Variants in SPTA1 observed in about 807,000 individuals in gnomAD.
SPTA1 encodes the protein spectrin alpha, erythrocytic 1.
SPTA1 carries 177 observed loss-of-function variants against 324.7 expected under a neutral mutation model. The observed-to-expected ratio is 0.55, with a 90% CI of 0.48 to 0.62. SPTA1 has a LOEUF of 0.62. Among genes scored for constraint, SPTA1 ranks in the 20% least tolerant of loss-of-function variants. The pLI is 0.00. For synonymous variants in SPTA1, 1,195 were observed against 1,041.3 expected (o/e 1.15, Z -2.84); for missense variants, 3,162 against 2,883.6 (o/e 1.10, Z -2.21).
At chr1:158,671,921 T>G in intron 11 of SPTA1, 138 bp downstream of exon 11, 1 of 1,099,382 alleles carries the variant, frequency 9.1e-7, no homozygotes, top group Non-Finnish European at 1.4e-6. Flanking sequence ...TCTTTTCTTT[T>G]TCTTGTGGAT....
intron 35 of SPTA1, 94 bp from the exon 36 acceptor site, chr1:158,638,335 C>A (rs1262324500): frequency 8.1e-7 from 1 of 1,229,622 alleles, no homozygotes; most frequent in Non-Finnish European, 1.2e-6. Context: ...AAAGACTGGG[C>A]CAAATGGATT....
At position 158,680,744 on chromosome 1, in the gene SPTA1, G is replaced by C; in HGVS notation, c.532-15C>G. The C allele has an allele frequency of 1.9e-6, 3 of 1,613,234 alleles. No individual in the cohort carries two copies. The highest frequency in any genetic ancestry group is 2.5e-6 in the Non-Finnish European group (3 of 1,179,706). On this transcript the variant is annotated splice_polypyrimidine_tract_variant and intron_variant, in intron 4 of 51. Transcript: ENST00000643759. Reference sequence around the variant, plus strand: ...GCTATAGCCTCCTGTAGACACAGAAGTTGATTGAGTTGCCAGCAAACATTT... The same window carrying C: ...GCTATAGCCTCCTGTAGACACAGAACTTGATTGAGTTGCCAGCAAACATTT...
At chr1:158,621,487 T>C (rs182811923) in intron 43 of SPTA1, among the ~76,000 whole-genome samples, 1 of 152,318 alleles carries the variant, frequency 6.6e-6, no homozygotes, top group Non-Finnish European at 1.5e-5. Flanking sequence ...CAGAAACCTA[T>C]AAAGTATTTA....
chr1:158,643,879 A>G (rs576707427), intron 30 of SPTA1, among the ~76,000 whole-genome samples: 6 of 152,158 alleles, frequency 3.9e-5, no homozygotes, highest in African/African-American at 1.4e-4. Flanking sequence ...GCTCACTCCT[A>G]TAATCTCAGC....
At chr1:158,659,360 C>T (rs935295389) in intron 18 of SPTA1, among the ~76,000 whole-genome samples, 70 of 151,874 alleles carry the variant, frequency 4.6e-4, no homozygotes, top group African/African-American at 1.5e-3. Context: ...TTTGGGATCC[C>T]TTTACAATTT....
intron 42 of SPTA1, among the ~76,000 whole-genome samples, chr1:158,624,115 T>TGTCC (rs1290874690): frequency 4.0e-5 from 1 of 24,744 alleles, no homozygotes; most frequent in Admixed American, 3.7e-4. Context: ...AACACCTACA[T>TGTCC]ACTGCAGGGG....
Position 158,649,934 on chromosome 1 carries a change from C to G in SPTA1, c.3491G>C (p.Arg1164Pro), listed in dbSNP as rs548028760. The part of the protein sequence containing the change: ...GAQIRQELNS[R>P]WGSLQRLADE... ...TGCAAGCCTCTGCAAAGAACCCCAG[C>G]GGGAATTCAATTCCTAAAAGAGGCA... The change falls in exon 25 of 52, where the codon CGC (arginine) becomes CCC (proline). Residue 1164 changes from arginine (R) to proline (P), a missense_variant. Coordinates refer to ENST00000643759, the MANE Select transcript of SPTA1 (RefSeq NM_003126.4). The G allele has an allele frequency of 1.2e-6, 2 of 1,613,264 alleles. No individual in the cohort carries two copies. The highest frequency in any genetic ancestry group is 2.2e-5 in the East Asian group (1 of 44,844).
intron 38 of SPTA1, among the ~76,000 whole-genome samples, chr1:158,635,344 A>T (rs1420035634): frequency 4.0e-5 from 6 of 150,814 alleles, no homozygotes; most frequent in Admixed American, 4.0e-4. Flanking sequence ...CCTTGCTAAG[A>T]TGTTCTTCTT....
chr1:158,618,125 T>C, intron 45 of SPTA1, 69 bp from the exon 46 acceptor site: 2 of 1,427,174 alleles, frequency 1.4e-6, no homozygotes, highest in Non-Finnish European at 2.0e-6. Context: ...AATGGATTAC[T>C]TTAAAGATCT....
At chr1:158,630,690 A>G (rs1311698579) in intron 39 of SPTA1, among the ~76,000 whole-genome samples, 1 of 152,076 alleles carries the variant, frequency 6.6e-6, no homozygotes, top group Non-Finnish European at 1.5e-5. Flanking sequence ...CAATCAACAG[A>G]GTGAAAAGGC....
intron 51 of SPTA1, chr1:158,612,507 C>T (rs527499010): frequency 1.6e-5 from 6 of 379,100 alleles, no homozygotes; most frequent in South Asian, 1.3e-4. Context: ...TTGCACTCCT[C>T]ATGCCTGGAA....
intron 29 of SPTA1, 125 bp from the exon 30 acceptor site, chr1:158,644,521 C>T (rs2101835311): frequency 1.8e-6 from 2 of 1,109,474 alleles, no homozygotes; most frequent in African/African-American, 1.5e-5. Flanking sequence ...TTCCAAGAAA[C>T]ACTCATGTGA....
chr1:158,659,493 A>G (rs1272912188), intron 18 of SPTA1, among the ~76,000 whole-genome samples: 1 of 151,948 alleles, frequency 6.6e-6, no homozygotes, highest in Non-Finnish European at 1.5e-5. Flanking sequence ...ATACTCCATT[A>G]GACAGAACAG....
At chr1:158,657,797 G>T (rs1557967398) in intron 18 of SPTA1, 103 bp from the exon 19 acceptor site, 1 of 1,215,712 alleles carries the variant, frequency 8.2e-7, no homozygotes, top group Non-Finnish European at 1.2e-6. Context: ...GATAAAAATG[G>T]TATGTTATTT....
At chr1:158,668,450 C>T (rs1489119412) in intron 14 of SPTA1, among the ~76,000 whole-genome samples, 2 of 152,050 alleles carry the variant, frequency 1.3e-5, no homozygotes, top group African/African-American at 4.8e-5. Flanking sequence ...TATAGTGGAG[C>T]CATAACTCAT....
At chr1:158,616,911 T>C (rs919382254) in intron 47 of SPTA1, among the ~76,000 whole-genome samples, 1 of 152,192 alleles carries the variant, frequency 6.6e-6, no homozygotes, top group Admixed American at 6.5e-5. Flanking sequence ...CTTGTTTTTT[T>C]AATAAAAGCC....
intron 43 of SPTA1, 110 bp downstream of exon 43, chr1:158,622,873 A>C: frequency 9.9e-7 from 1 of 1,012,408 alleles, no homozygotes; most frequent in Non-Finnish European, 1.6e-6. Flanking sequence ...CTTTCAATGC[A>C]ATAAAAGGTT....
At chr1:158,677,545 A>G in intron 7 of SPTA1, 145 bp downstream of exon 7, 1 of 916,132 alleles carries the variant, frequency 1.1e-6, no homozygotes, top group Admixed American at 2.0e-5. Context: ...ACTAGAATGA[A>G]GAAGCGTATT....
rs1048385361 is a variant in SPTA1 at position 158,655,583 on chromosome 1, G to C, written c.2899-835C>G. ...ACCCACTGTGCAGAGCCTGGTGAAG[G>C]CACAGTATAGGAGGTCTGTAAATAT... On this transcript the variant is annotated intron_variant, in intron 20 of 51. Coordinates refer to ENST00000643759, the MANE Select transcript of SPTA1 (RefSeq NM_003126.4). Among the ~76,000 whole-genome samples, 11 of 152,198 alleles carry C rather than the reference G, an allele frequency of 7.2e-5. No individual in the cohort carries two copies. In the East Asian group the frequency reaches 9.7e-4, roughly 13 times the overall value.
Sources: allele counts gnomAD v4.1 joint callset (sites outside exome capture counted in the v4.1 genomes callset), GRCh38; gene constraint gnomAD v4.1.1; transcripts MANE v1.5; gene names NCBI Gene and HGNC (gene_info 2026-07-23, HGNC 2026-07-21).